BTRC: variants seen among roughly 807,000 people sequenced by gnomAD.
The protein encoded by BTRC is beta-transducin repeat containing E3 ubiquitin protein ligase.
BTRC carries 42 observed loss-of-function variants against 85.5 expected under a neutral mutation model. That is an observed-to-expected ratio of 0.49 (90% CI 0.38 to 0.64). The LOEUF is 0.64. Ranked by LOEUF, BTRC falls within the 30% of genes least tolerant of loss-of-function variation. The probability of loss-of-function intolerance (pLI) is 0.00; values close to 1 mark genes in which losing one functional copy is unlikely to be tolerated. For missense variants in BTRC, 594 were observed against 743.5 expected (o/e 0.80, Z 2.34); for synonymous variants, 255 against 263.3 (o/e 0.97, Z 0.30).
intron 1 of BTRC, among the ~76,000 whole-genome samples, chr10:101,366,919 T>TATATACAA (rs1564730277): frequency 6.0e-3 from 29 of 4,868 alleles, no homozygotes; most frequent in Non-Finnish European, 7.6e-3. Context: ...AATATATATT[T>TATATACAA]ATATATATTT....
chr10:101,379,259 C>A (rs548874824), intron 1 of BTRC, among the ~76,000 whole-genome samples: 42 of 152,224 alleles, frequency 2.8e-4, no homozygotes, highest in African/African-American at 9.4e-4. Flanking sequence ...GAATATGGTC[C>A]TCTTACCTGA....
chr10:101,519,644 A>C (rs1247094351), intron 4 of BTRC, among the ~76,000 whole-genome samples: 1 of 152,218 alleles, frequency 6.6e-6, no homozygotes, highest in Non-Finnish European at 1.5e-5. Flanking sequence ...AATGACAGCA[A>C]TACCTACATT....
At chr10:101,481,732 G>A (rs1441090312) in intron 4 of BTRC, among the ~76,000 whole-genome samples, 1 of 152,116 alleles carries the variant, frequency 6.6e-6, no homozygotes, top group East Asian at 1.9e-4. Context: ...CTCCCAGGTG[G>A]TGACCTTCTC....
At chr10:101,467,494 G>T (rs1056458327) in intron 3 of BTRC, among the ~76,000 whole-genome samples, 12 of 152,008 alleles carry the variant, frequency 7.9e-5, no homozygotes, top group African/African-American at 2.9e-4. Flanking sequence ...CCCTCTAGTG[G>T]CAATAGTAAG....
intron 1 of BTRC, among the ~76,000 whole-genome samples, chr10:101,415,696 C>A (rs1036115211): frequency 4.6e-5 from 7 of 151,078 alleles, no homozygotes; most frequent in Non-Finnish European, 1.0e-4. Flanking sequence ...CATGCGCCAC[C>A]ATGCCTGGCT....
At chr10:101,536,279 A>G (rs776126545) in intron 11 of BTRC, among the ~76,000 whole-genome samples, 75 of 152,236 alleles carry the variant, frequency 4.9e-4, no homozygotes, top group Non-Finnish European at 9.8e-4. Flanking sequence ...ATTCGTTTTT[A>G]TGCCTGGAAG....
intron 3 of BTRC, among the ~76,000 whole-genome samples, chr10:101,475,275 C>T (rs538967922): frequency 6.6e-6 from 1 of 152,298 alleles, no homozygotes; most frequent in African/African-American, 2.4e-5. Context: ...CGTGGTGGCT[C>T]ACGCCTGCAA....
chr10:101,515,926 A>C (rs765270704), intron 4 of BTRC, among the ~76,000 whole-genome samples: 4 of 152,180 alleles, frequency 2.6e-5, no homozygotes, highest in African/African-American at 9.7e-5. Flanking sequence ...AGTCACTCTC[A>C]GGGTGACTAG....
intron 1 of BTRC, among the ~76,000 whole-genome samples, chr10:101,367,024 T>A (rs1454759664): frequency 3.6e-4 from 22 of 61,746 alleles, no homozygotes; most frequent in South Asian, 1.6e-3. Flanking sequence ...ATATTTATAT[T>A]TATATATTTA....
chr10:101,361,403 G>A (rs1194933571), intron 1 of BTRC, among the ~76,000 whole-genome samples: 1 of 152,218 alleles, frequency 6.6e-6, no homozygotes, highest in African/African-American at 2.4e-5. Flanking sequence ...ACCGCACCTG[G>A]CCAGCAATAT....
At chr10:101,482,888 A>G (rs1017913597) in intron 4 of BTRC, among the ~76,000 whole-genome samples, 1 of 152,030 alleles carries the variant, frequency 6.6e-6, no homozygotes, top group African/African-American at 2.4e-5. Context: ...TTCAGATTGT[A>G]CTCCATTGTG....
intron 1 of BTRC, among the ~76,000 whole-genome samples, chr10:101,392,712 C>T (rs1377324435): frequency 6.6e-6 from 1 of 152,006 alleles, no homozygotes; most frequent in Admixed American, 6.6e-5. Context: ...ATAGTAGAGA[C>T]AGGGTTTCAC....
chr10:101,508,931 A>C (rs1589569715), intron 4 of BTRC, among the ~76,000 whole-genome samples: 1 of 151,032 alleles, frequency 6.6e-6, no homozygotes, highest in East Asian at 1.9e-4. Flanking sequence ...AAAAAAAAAA[A>C]AAAAACTAAA....
intron 4 of BTRC, among the ~76,000 whole-genome samples, chr10:101,519,145 C>T (rs1052893543): frequency 2.1e-5 from 3 of 140,134 alleles, no homozygotes; most frequent in Non-Finnish European, 4.5e-5. Context: ...ATGGCGTGAT[C>T]TCTCCTCACT....
rs1942455498 is a variant in BTRC, at chr10:101,366,975, TTTATATATTTATATATATTA to T, written c.48+12748_48+12767del. Among the ~76,000 whole-genome samples the T allele has an allele frequency of 3.2e-5, 2 of 62,652 alleles. 1 individual carries two copies. 41.1% of individuals were successfully genotyped at this position (62,652 alleles called of 152,430 possible). A position where few individuals can be genotyped will look rare whatever the true frequency, so the allele number is the denominator to read the frequency against. Reference sequence around the variant, plus strand: ...ATATATATATTTATATAAATATATATTTATATATTTATATATATTAATATATATATTTATATATATATTTA... The same window carrying T: ...ATATATATATTTATATAAATATATATATATATATATTTATATATATATTTA... On this transcript the variant is annotated intron_variant, in intron 1 of 14. Coordinates refer to ENST00000370187, the MANE Select transcript of BTRC (RefSeq NM_033637.4).
chr10:101,521,869 A>G lies in BTRC; in HGVS notation c.555A>G (p.Pro185=), dbSNP rs746388633. 1.9e-5 allele frequency: 31 copies of G among 1,601,832 alleles called. No homozygotes were observed. Among genetic ancestry groups the G allele is most frequent in the Non-Finnish European group, 2.6e-5 (30 of 1,168,974 alleles). The part of the protein sequence containing the change: ...MLQRDFITAL[P]ARGLDHIAEN... ...AGAGAGATTTCATAACTGCTCTGCC[A>G]GGTATGTCTACAAGTGTTTGTAAAC... Residue 185 remains proline, a splice_region_variant and synonymous_variant, in exon 5 of 15, where the codon CCA becomes CCG. Transcript: ENST00000370187.
At chr10:101,481,790 C>G (rs1037316622) in intron 4 of BTRC, among the ~76,000 whole-genome samples, 2 of 152,122 alleles carry the variant, frequency 1.3e-5, no homozygotes, top group Non-Finnish European at 2.9e-5. Context: ...TATATCCTTT[C>G]GTCATCCTCT....
At chr10:101,530,191 A>G (rs1220448676) in intron 6 of BTRC, among the ~76,000 whole-genome samples, 1 of 152,218 alleles carries the variant, frequency 6.6e-6, no homozygotes, top group East Asian at 1.9e-4. Context: ...ATGTGTATGT[A>G]CACAGCCAGG....
chr10:101,531,959 C>T (rs923746527), intron 7 of BTRC, among the ~76,000 whole-genome samples: 1 of 152,174 alleles, frequency 6.6e-6, no homozygotes, highest in African/African-American at 2.4e-5. Context: ...CAATCAGTAG[C>T]AATGGCCATC....
Sources: allele counts gnomAD v4.1 joint callset (sites outside exome capture counted in the v4.1 genomes callset), GRCh38; gene constraint gnomAD v4.1.1; transcripts MANE v1.5; gene names NCBI Gene and HGNC (gene_info 2026-07-23, HGNC 2026-07-21).